Variants in STK24 observed in about 807,000 individuals in gnomAD.
The protein encoded by STK24 is serine/threonine-protein kinase 24.
In STK24, 21 loss-of-function variants were observed where a neutral mutation model predicts 55.6. The observed-to-expected ratio is 0.38, with a 90% CI of 0.27 to 0.54. The LOEUF (loss-of-function observed/expected upper bound fraction) is 0.54. Among genes scored for constraint, STK24 ranks in the 20% least tolerant of loss-of-function variants. The probability of loss-of-function intolerance (pLI) is 0.79; values close to 1 mark genes in which losing one functional copy is unlikely to be tolerated. For missense variants in STK24, 383 were observed against 538.4 expected (o/e 0.71, Z 2.86); for synonymous variants, 200 against 215.2 (o/e 0.93, Z 0.62).
chr13:98,569,423 A>AC (rs937858434), intron 1 of STK24, among the ~76,000 whole-genome samples: 2 of 125,428 alleles, frequency 1.6e-5, no homozygotes, highest in African/African-American at 5.6e-5. Flanking sequence ...CAAAAAAAAA[A>AC]AAACAAAAAA....
intron 3 of STK24, among the ~76,000 whole-genome samples, chr13:98,479,742 G>C (rs1179367625): frequency 6.6e-6 from 1 of 152,148 alleles, no homozygotes; most frequent in Non-Finnish European, 1.5e-5. Flanking sequence ...CACCTCGAGG[G>C]GGCCCGGTGC....
rs1370644022 is a variant in STK24, at chr13:98,449,651, G to A, written c.*3522C>T. The A allele has an allele frequency of 2.0e-5, 3 of 152,616 alleles. No individual in the cohort carries two copies. Among genetic ancestry groups the A allele is most frequent in the African/African-American group, 7.2e-5 (3 of 41,444 alleles). The allele number at this position is 152,616 out of a possible 1,614,324, so 9.5% of individuals were successfully genotyped here. A position where few individuals can be genotyped will look rare whatever the true frequency, so the allele number is the denominator to read the frequency against. Reference sequence around the variant, plus strand: ...ACAGCAACTTGCAAACGGACGAAGAGCCTGCCGTGTGTTAATCATTTGCCT... The same window carrying A: ...ACAGCAACTTGCAAACGGACGAAGAACCTGCCGTGTGTTAATCATTTGCCT... On this transcript the variant is annotated 3_prime_UTR_variant, in exon 11 of 11. Coordinates refer to ENST00000539966, the MANE Select transcript of STK24 (RefSeq NM_001032296.4).
chr13:98,478,415 A>C (rs1894464480), intron 3 of STK24, among the ~76,000 whole-genome samples: 1 of 152,232 alleles, frequency 6.6e-6, no homozygotes, highest in South Asian at 2.1e-4. Context: ...AGTGGGTCAG[A>C]CAGGAGCAAA....
intron 1 of STK24, among the ~76,000 whole-genome samples, chr13:98,566,054 AGGCCCAGCCCCTCC>A (rs1265952455): frequency 6.6e-6 from 1 of 152,116 alleles, no homozygotes; most frequent in Non-Finnish European, 1.5e-5. Flanking sequence ...GCCACCAAGA[AGGCCCAGCCCCTCC>A]GGCACAGGAC....
chr13:98,488,413 G>A (rs1282654407), intron 2 of STK24, among the ~76,000 whole-genome samples: 1 of 152,150 alleles, frequency 6.6e-6, no homozygotes, highest in Non-Finnish European at 1.5e-5. Context: ...CTTCAGGGGA[G>A]TTTTATTTAT....
At chr13:98,566,911 TGG>T (rs1897589382) in intron 1 of STK24, among the ~76,000 whole-genome samples, 2 of 152,234 alleles carry the variant, frequency 1.3e-5, no homozygotes, top group African/African-American at 4.8e-5. Context: ...GGAGTTCAAG[TGG>T]CAGTTTAATA....
chr13:98,545,242 T>A (rs1229824724), intron 1 of STK24, among the ~76,000 whole-genome samples: 1 of 152,262 alleles, frequency 6.6e-6, no homozygotes, highest in African/African-American at 2.4e-5. Flanking sequence ...ATGTTCTCTC[T>A]GTTTTTCTGC....
intron 1 of STK24, chr13:98,543,011 A>C: frequency 1.0e-6 from 1 of 985,294 alleles, no homozygotes; most frequent in Non-Finnish European, 1.2e-6. Flanking sequence ...GCTAGCGTGG[A>C]CCTGGAAGGC....
chr13:98,569,413 C>CAA (rs11316359), intron 1 of STK24, among the ~76,000 whole-genome samples: 174 of 127,108 alleles, frequency 1.4e-3, no homozygotes, highest in African/African-American at 2.8e-3. Flanking sequence ...ACAGCAGAGA[C>CAA]AAAAAAAAAA....
At chr13:98,493,605 G>A (rs528026580) in intron 2 of STK24, among the ~76,000 whole-genome samples, 9 of 152,030 alleles carry the variant, frequency 5.9e-5, no homozygotes, top group Non-Finnish European at 1.2e-4. Flanking sequence ...CTAGTAACAC[G>A]TGTTCTTTCT....
Position 98,448,183 on chromosome 13 carries a change from G to A in STK24, c.*4990C>T. ...TTCTGTAAGCGATGCCCACCAAAGT[G>A]TCAGGAGTCCGTCCAAACAAAAGGT... is the stretch of plus-strand genomic sequence containing the variant. On this transcript the variant is annotated 3_prime_UTR_variant, in exon 11 of 11. Coordinates refer to ENST00000539966, the MANE Select transcript of STK24 (RefSeq NM_001032296.4). 9 of 1,472,662 alleles carry A rather than the reference G, an allele frequency of 6.1e-6. No individual in the cohort carries two copies. Among genetic ancestry groups the A allele is most frequent in the African/African-American group, 1.4e-5 (1 of 72,172 alleles). The allele number at this position is 1,472,662 out of a possible 1,614,324, so 91.2% of individuals were successfully genotyped here. A position where few individuals can be genotyped will look rare whatever the true frequency, so the allele number is the denominator to read the frequency against.
At position 98,482,299 on chromosome 13, in the gene STK24, A is replaced by G. The variant is rs749153621; in HGVS notation, c.296T>C (p.Met99Thr). The G allele has an allele frequency of 1.3e-6, 2 of 1,574,406 alleles. No homozygotes were observed. Among genetic ancestry groups the G allele is most frequent in the Non-Finnish European group, 8.7e-7 (1 of 1,152,616 alleles). Residue 99 changes from methionine (M) to threonine (T), a missense_variant, in exon 3 of 11, where the codon ATG becomes ACG. Physicochemically the swap from Met to Thr is moderately conservative, Grantham distance 81. Transcript: ENST00000539966. The part of the protein sequence containing the change: ...YLKDTKLWII[M>T]EYLGGGSALD... ...TGCGGAGCCTCCACCAAGATATTCCATTATTATCCATAATTTTGTATCCTA... is the reference window on the plus strand; with the variant it reads ...TGCGGAGCCTCCACCAAGATATTCCGTTATTATCCATAATTTTGTATCCTA...
Position 98,448,736 on chromosome 13 carries a change from G to A in STK24, c.*4437C>T, listed in dbSNP as rs548192712. 0.058 allele frequency: 7,006 copies of A among 119,868 alleles called. 189 individuals are homozygous for A. Among genetic ancestry groups the A allele is most frequent in the Non-Finnish European group, 0.067 (3,637 of 54,418 alleles). 7.4% of individuals were successfully genotyped at this position (119,868 alleles called of 1,614,324 possible). On this transcript the variant is annotated 3_prime_UTR_variant, in exon 11 of 11. Transcript: ENST00000539966. The stretch of plus-strand genomic sequence containing the variant: ...CTGCATTTTACGAAGTGGACTTCCC[G>A]GTGTTTGTTTGTTTGTTTGCAATAC...
chr13:98,539,731 G>C (rs1240311785), intron 1 of STK24, among the ~76,000 whole-genome samples: 2 of 152,172 alleles, frequency 1.3e-5, no homozygotes, highest in East Asian at 3.8e-4. Flanking sequence ...CAAACGGCTG[G>C]AGGGAGCAAA....
chr13:98,494,432 C>T (rs1895171446), intron 2 of STK24, among the ~76,000 whole-genome samples: 2 of 67,164 alleles, frequency 3.0e-5, no homozygotes, highest in African/African-American at 9.1e-5. Context: ...AAAAAAAGTG[C>T]CTCTAACAGT....
chr13:98,536,248 C>A (rs1896732628), intron 1 of STK24, among the ~76,000 whole-genome samples: 1 of 152,214 alleles, frequency 6.6e-6, no homozygotes, highest in Admixed American at 6.5e-5. Flanking sequence ...CCAAATCCTA[C>A]ATCTCACAGA....
chr13:98,556,537 A>AAC (rs368041073), intron 1 of STK24, among the ~76,000 whole-genome samples: 1 of 152,016 alleles, frequency 6.6e-6, no homozygotes, highest in African/African-American at 2.4e-5. Flanking sequence ...ACAACAACAA[A>AAC]AAAATCACTG....
chr13:98,497,278 A>G (rs926729717), intron 2 of STK24, among the ~76,000 whole-genome samples: 2 of 152,126 alleles, frequency 1.3e-5, no homozygotes, highest in Non-Finnish European at 2.9e-5. Flanking sequence ...CCTGTGCCCC[A>G]GTTTTCTCCG....
At position 98,565,054 on chromosome 13, in the gene STK24, A is replaced by C. The variant is rs533052014; in HGVS notation, c.42+11691T>G. ...AAGTCAGTCTTTGGAAATACAAGCC[A>C]TAGGCTGCAAGCACTGATTGTAGCT... On this transcript the variant is annotated intron_variant, in intron 1 of 10. Transcript: ENST00000539966. 2.1e-4 allele frequency among the ~76,000 whole-genome samples: 32 copies of C among 152,340 alleles called. 2 individuals carry two copies. In the South Asian group the frequency reaches 6.2e-3, roughly 30 times the overall value.
Sources: gnomAD v4.1 joint callset for allele counts (sites outside exome capture counted in the v4.1 genomes callset) on GRCh38, gnomAD v4.1.1 for gene constraint, MANE v1.5 for transcripts, NCBI Gene and HGNC (gene_info 2026-07-23, HGNC 2026-07-21) for gene names.